Variants in CA8 observed in about 807,000 individuals in gnomAD.
CA8 encodes carbonic anhydrase 8 (inactive), also known as carbonic anhydrase-related protein.
In CA8, 22 loss-of-function variants were observed where a neutral mutation model predicts 41.4. The observed-to-expected ratio is 0.53, with a 90% CI of 0.38 to 0.76. CA8 has a LOEUF of 0.76. Among genes scored for constraint, CA8 ranks in the 30% least tolerant of loss-of-function variants. The pLI is 0.00. For synonymous variants in CA8, 121 were observed against 130.6 expected, an observed-to-expected ratio of 0.93 and a Z score of 0.50; for missense variants, 270 against 352.8, an observed-to-expected ratio of 0.77 and a Z score of 1.88.
chr8:60,187,435 C>T lies in CA8; in HGVS notation c.*2586G>A, dbSNP rs1314926883. The T allele has an allele frequency of 1.3e-5, 2 of 151,858 alleles. No individual in the cohort carries two copies. Among genetic ancestry groups the T allele is most frequent in the Admixed American group, 6.6e-5 (1 of 15,250 alleles). 9.4% of individuals were successfully genotyped at this position (151,858 alleles called of 1,614,324 possible). ...TACTGGAAAAGACACAAACTAAATACAAAGCAAGCAGAAGTTAGTCTGCTT... is the reference window on the plus strand; with the variant it reads ...TACTGGAAAAGACACAAACTAAATATAAAGCAAGCAGAAGTTAGTCTGCTT... On this transcript the variant is annotated 3_prime_UTR_variant, in exon 9 of 9. Transcript: ENST00000317995.
chr8:60,243,632 C>T (rs545427695), intron 3 of CA8, among the ~76,000 whole-genome samples: 54 of 152,252 alleles, frequency 3.5e-4, no homozygotes, highest in African/African-American at 1.2e-3. Flanking sequence ...TGAACGCGCC[C>T]GATCTCGTCT....
chr8:60,249,603 A>C (rs529240117), intron 3 of CA8, among the ~76,000 whole-genome samples: 1 of 152,350 alleles, frequency 6.6e-6, no homozygotes, highest in Non-Finnish European at 1.5e-5. Context: ...AACGATAAAT[A>C]AATTGAGCTT....
chr8:60,260,467 AC>A (rs1388573745), intron 3 of CA8, among the ~76,000 whole-genome samples: 1 of 151,722 alleles, frequency 6.6e-6, no homozygotes, highest in African/African-American at 2.4e-5. Context: ...AGACATCAAA[AC>A]TCCTTATATC....
chr8:60,267,694 G>C (rs1044379702), intron 2 of CA8, among the ~76,000 whole-genome samples: 1 of 152,066 alleles, frequency 6.6e-6, no homozygotes, highest in African/African-American at 2.4e-5. Flanking sequence ...GTTGAGGCAG[G>C]GATAGGGAAA....
intron 7 of CA8, among the ~76,000 whole-genome samples, chr8:60,215,342 CGTGT>C (rs1294810226): frequency 7.7e-6 from 1 of 130,630 alleles, no homozygotes; most frequent in South Asian, 2.6e-4. Flanking sequence ...AAAACACTGT[CGTGT>C]GTGTGTGTGT....
chr8:60,246,004 G>C (rs901676312), intron 3 of CA8, among the ~76,000 whole-genome samples: 14 of 152,146 alleles, frequency 9.2e-5, no homozygotes, highest in Non-Finnish European at 1.6e-4. Context: ...GTTGAGAGCA[G>C]ATATGGGAGC....
At chr8:60,277,419 T>C (rs1804276753) in intron 2 of CA8, among the ~76,000 whole-genome samples, 1 of 151,948 alleles carries the variant, frequency 6.6e-6, no homozygotes, top group African/African-American at 2.4e-5. Context: ...AATGGCGCAA[T>C]CTCGGCTCAC....
At chr8:60,255,699 C>G (rs920325198) in intron 3 of CA8, among the ~76,000 whole-genome samples, 2 of 152,192 alleles carry the variant, frequency 1.3e-5, no homozygotes, top group Non-Finnish European at 1.5e-5. Flanking sequence ...ATTTCAACAA[C>G]TTAAACTCAG....
At chr8:60,270,714 C>A (rs1054766651) in intron 2 of CA8, among the ~76,000 whole-genome samples, 2 of 152,224 alleles carry the variant, frequency 1.3e-5, no homozygotes, top group African/African-American at 2.4e-5. Flanking sequence ...CCATGCCCAG[C>A]TCCAAAGGGT....
At chr8:60,229,366 T>C (rs1369112808) in intron 4 of CA8, among the ~76,000 whole-genome samples, 1 of 152,158 alleles carries the variant, frequency 6.6e-6, no homozygotes, top group Admixed American at 6.5e-5. Flanking sequence ...CTGGGGTCCA[T>C]GGTCAGTGCA....
intron 3 of CA8, among the ~76,000 whole-genome samples, chr8:60,257,087 A>G (rs1156524964): frequency 6.6e-6 from 1 of 151,952 alleles, no homozygotes; most frequent in African/African-American, 2.4e-5. Context: ...TTCAAGCGAT[A>G]TCGTGCCTTA....
At chr8:60,235,097 T>A (rs1486189445) in intron 3 of CA8, among the ~76,000 whole-genome samples, 1 of 152,228 alleles carries the variant, frequency 6.6e-6, no homozygotes, top group African/African-American at 2.4e-5. Context: ...TCCATCTGTA[T>A]GAGTCTGCTA....
At chr8:60,242,824 G>A (rs1035200743) in intron 3 of CA8, among the ~76,000 whole-genome samples, 4 of 152,194 alleles carry the variant, frequency 2.6e-5, no homozygotes, top group Non-Finnish European at 5.9e-5. Context: ...GTTCTCTGGC[G>A]ACAGAAAGGT....
chr8:60,216,594 C>A (rs558296857), intron 7 of CA8, among the ~76,000 whole-genome samples: 24 of 152,276 alleles, frequency 1.6e-4, no homozygotes, highest in African/African-American at 5.5e-4. Flanking sequence ...TAGGGTTAGA[C>A]TTTGTCACTG....
rs1806005135 is a variant in CA8 at position 60,187,792 on chromosome 8, ATT to A, written c.*2227_*2228del. 1 of 152,152 alleles carries A rather than the reference ATT, an allele frequency of 6.6e-6. No homozygotes were observed. Among genetic ancestry groups the A allele is most frequent in the African/African-American group, 2.4e-5 (1 of 41,444 alleles). The allele number at this position is 152,152 out of a possible 1,614,324, so 9.4% of individuals were successfully genotyped here. ...ATAAACAAAATGCACCCTAAATTAA[ATT>A]TCAAGATCTATGACATTTGTCATTA... On this transcript the variant is annotated 3_prime_UTR_variant, in exon 9 of 9. Transcript: ENST00000317995.
In CA8 at chr8:60,186,657, T is replaced by C. The variant is rs1805973339; in HGVS notation, c.*3364A>G. On this transcript the variant is annotated 3_prime_UTR_variant, in exon 9 of 9. Coordinates refer to ENST00000317995, the MANE Select transcript of CA8 (RefSeq NM_004056.6). ...AAAAAAAACAAGATCCAACTATAAG[T>C]TGGAGACACACTTTAGATTCAAAAA... is the stretch of plus-strand genomic sequence containing the variant. Among the ~76,000 whole-genome samples the C allele has an allele frequency of 6.6e-6, 1 of 151,002 alleles. No individual in the cohort carries two copies. The highest frequency in any genetic ancestry group is 2.1e-4 in the South Asian group (1 of 4,822).
rs557773981 is a variant in CA8, at chr8:60,278,574, CA to C, written c.292+1114del. On this transcript the variant is annotated intron_variant, in intron 2 of 8. Coordinates refer to ENST00000317995, the MANE Select transcript of CA8 (RefSeq NM_004056.6). Reference sequence around the variant, plus strand: ...CCCATCAAAGCTAAACCCACACCCCCAAAAAAATTCAAGTCGAAATTTCCAT... The same window carrying C: ...CCCATCAAAGCTAAACCCACACCCCCAAAAAATTCAAGTCGAAATTTCCAT... 2.6e-5 allele frequency among the ~76,000 whole-genome samples: 4 copies of C among 152,204 alleles called. No individual in the cohort carries two copies. In the East Asian group the frequency reaches 7.7e-4, roughly 29 times the overall value.
At chr8:60,203,680 T>A (rs1052645133) in intron 8 of CA8, among the ~76,000 whole-genome samples, 23 of 152,324 alleles carry the variant, frequency 1.5e-4, no homozygotes, top group African/African-American at 5.5e-4. Flanking sequence ...TTTAAAAAAG[T>A]ATCTCCTTAT....
At chr8:60,199,292 G>A (rs72663291) in intron 8 of CA8, among the ~76,000 whole-genome samples, 10,808 of 151,990 alleles carry the variant, frequency 0.071, 540 homozygotes, top group Middle Eastern at 0.12. Context: ...TTATTGCTTC[G>A]GTTTTTTTCT....
Sources: gnomAD v4.1 joint callset for allele counts (sites outside exome capture counted in the v4.1 genomes callset) on GRCh38, gnomAD v4.1.1 for gene constraint, MANE v1.5 for transcripts, NCBI Gene and HGNC (gene_info 2026-07-23, HGNC 2026-07-21) for gene names.